Variants in PCDH11X observed in about 807,000 individuals in gnomAD.
PCDH11X encodes protocadherin 11 X-linked.
A neutral mutation model predicts 53.3 loss-of-function variants in PCDH11X; 18 were observed. The ratio of observed to expected loss-of-function variants is 0.34; its 90% CI spans 0.23 to 0.50. The LOEUF (loss-of-function observed/expected upper bound fraction) is 0.50. Ranked by LOEUF, PCDH11X falls within the 20% of genes least tolerant of loss-of-function variation. The pLI is 0.98. For synonymous variants in PCDH11X, 279 were observed against 393.3 expected (o/e 0.71, Z 3.44); for missense variants, 570 against 1,032.4 (o/e 0.55, Z 6.14).
At chrX:91,881,886 C>G (rs1013242501) in intron 6 of PCDH11X, among the ~76,000 whole-genome samples, 19 of 110,847 alleles carry the variant, frequency 1.7e-4, no homozygotes, top group Non-Finnish European at 3.4e-4. Flanking sequence ...GTGAGAAATG[C>G]ATTTTCAAAA....
At chrX:91,815,019 C>T (rs1936409641) in intron 4 of PCDH11X, among the ~76,000 whole-genome samples, 1 of 110,836 alleles carries the variant, frequency 9.0e-6, no homozygotes, top group South Asian at 3.8e-4. Flanking sequence ...TATATTAACT[C>T]ATTTAGTGCA....
intron 5 of PCDH11X, among the ~76,000 whole-genome samples, chrX:91,837,579 T>TA (rs1937348681): frequency 9.0e-6 from 1 of 111,609 alleles, no homozygotes. Flanking sequence ...TCAGTCATAA[T>TA]ATGAGGATGA....
chrX:92,506,466 A>G (rs2074063470), intron 10 of PCDH11X, among the ~76,000 whole-genome samples: 1 of 102,214 alleles, frequency 9.8e-6, no homozygotes, highest in Non-Finnish European at 2.0e-5. Flanking sequence ...TAATTATATC[A>G]AGAGCCTTTT....
At chrX:92,577,898 A>C in intron 10 of PCDH11X, among the ~76,000 whole-genome samples, 1 of 106,957 alleles carries the variant, frequency 9.3e-6, no homozygotes, top group East Asian at 2.9e-4. Context: ...GTGGTCTGAG[A>C]GATTGTTTAT....
In PCDH11X at chrX:92,623,075, T is replaced by C; in HGVS notation, c.*4135T>C. On this transcript the variant is annotated 3_prime_UTR_variant, in exon 11 of 11. Transcript: ENST00000682573. ...GAAAGTGAACAGTATCCCAAAGCAGTTCCAACCATGCTTTGGAAGTAAGAA... is the reference window on the plus strand; with the variant it reads ...GAAAGTGAACAGTATCCCAAAGCAGCTCCAACCATGCTTTGGAAGTAAGAA... 9.0e-6 allele frequency: 1 copy of C among 110,940 alleles called. No homozygotes were observed. The highest frequency in any genetic ancestry group is 3.3e-5 in the African/African-American group (1 of 30,581). The allele number at this position is 110,940 out of a possible 1,213,427, so 9.1% of individuals were successfully genotyped here.
chrX:91,841,249 A>C (rs1238223624), intron 5 of PCDH11X, among the ~76,000 whole-genome samples: 16 of 111,873 alleles, frequency 1.4e-4, no homozygotes, highest in Non-Finnish European at 2.8e-4. Context: ...TACTATTATC[A>C]GAGTCTTGGT....
At chrX:92,025,416 A>G (rs2062955562) in intron 6 of PCDH11X, among the ~76,000 whole-genome samples, 1 of 102,139 alleles carries the variant, frequency 9.8e-6, no homozygotes, top group Admixed American at 1.1e-4. Flanking sequence ...GACACTTCTC[A>G]AAAGAAGACA....
chrX:92,332,607 C>A (rs956317724), intron 8 of PCDH11X, among the ~76,000 whole-genome samples: 80 of 112,171 alleles, frequency 7.1e-4, no homozygotes, highest in Non-Finnish European at 1.3e-3. Flanking sequence ...CTCACAATTT[C>A]TAAAGATAAA....
intron 8 of PCDH11X, among the ~76,000 whole-genome samples, chrX:92,320,653 C>T (rs2069179035): frequency 3.6e-5 from 4 of 110,680 alleles, no homozygotes; most frequent in African/African-American, 9.8e-5. Context: ...TGTATACTCA[C>T]GTTAATTAAA....
intron 9 of PCDH11X, 64 bp downstream of exon 9, chrX:92,387,997 C>A (rs148578548): frequency 8.4e-6 from 10 of 1,186,175 alleles, no homozygotes; most frequent in Non-Finnish European, 1.1e-5. Context: ...CTCAAGCTAT[C>A]ATAGCCATAA....
chrX:91,884,427 G>T (rs750667669), intron 6 of PCDH11X, among the ~76,000 whole-genome samples: 148 of 110,663 alleles, frequency 1.3e-3, no homozygotes, highest in African/African-American at 4.7e-3. Flanking sequence ...ATTTCAAAAA[G>T]ATTTTATCCC....
chrX:92,615,263 T>C (rs1175001027), intron 10 of PCDH11X, among the ~76,000 whole-genome samples: 2 of 110,406 alleles, frequency 1.8e-5, no homozygotes, highest in Non-Finnish European at 3.8e-5. Flanking sequence ...TATACCACAA[T>C]TTATGTCCAT....
intron 1 of PCDH11X, among the ~76,000 whole-genome samples, chrX:91,787,416 A>G (rs1301382344): frequency 9.0e-6 from 1 of 111,360 alleles, no homozygotes; most frequent in East Asian, 2.8e-4. Context: ...TTCAGATTAC[A>G]AACTCGTTTC....
chrX:92,431,398 C>A (rs181586893), intron 9 of PCDH11X, among the ~76,000 whole-genome samples: 24 of 110,406 alleles, frequency 2.2e-4, no homozygotes, highest in African/African-American at 5.9e-4. Flanking sequence ...GTATGAAGGA[C>A]TTACAAAATT....
intron 6 of PCDH11X, among the ~76,000 whole-genome samples, chrX:92,111,973 G>A (rs6618863): frequency 0.058 from 6,294 of 108,664 alleles, 483 homozygotes; most frequent in African/African-American, 0.2. Flanking sequence ...TAGCCAGGAT[G>A]GTCTCGATTC....
intron 6 of PCDH11X, among the ~76,000 whole-genome samples, chrX:92,180,306 G>A (rs754346356): frequency 9.0e-6 from 1 of 111,241 alleles, no homozygotes; most frequent in African/African-American, 3.3e-5. Flanking sequence ...CCTTCAACAC[G>A]TGGGGATTAC....
chrX:92,279,834 A>G (rs1012343287), intron 8 of PCDH11X, among the ~76,000 whole-genome samples: 1 of 112,334 alleles, frequency 8.9e-6, no homozygotes, highest in Admixed American at 9.5e-5. Flanking sequence ...TTATAGATTT[A>G]GGATAACAAA....
At chrX:92,379,515 T>C (rs1359334618) in intron 8 of PCDH11X, among the ~76,000 whole-genome samples, 2 of 112,352 alleles carry the variant, frequency 1.8e-5, no homozygotes, top group African/African-American at 6.5e-5. Flanking sequence ...GATGACATGA[T>C]TGATAGTGGG....
Position 91,999,636 on chromosome X carries a change from G to A in PCDH11X, c.3033+120363G>A, listed in dbSNP as rs767187302. ...CAGTAGAGCTTTATAAAAAATGACA[G>A]CTTCCTACTTTTTAATTGAAGAATA... On this transcript the variant is annotated intron_variant, in intron 6 of 10. Coordinates refer to ENST00000682573, the MANE Select transcript of PCDH11X (RefSeq NM_032968.5). Among the ~76,000 whole-genome samples, 226 of 109,352 alleles carry A rather than the reference G, an allele frequency of 2.1e-3. 1 individual carries two copies. The highest frequency in any genetic ancestry group is 6.8e-3 in the African/African-American group (203 of 29,915). The allele number at this position is 109,352 out of a possible 115,157, so 95.0% of individuals were successfully genotyped here.
Sources: gnomAD v4.1 joint callset for allele counts (sites outside exome capture counted in the v4.1 genomes callset) on GRCh38, gnomAD v4.1.1 for gene constraint, MANE v1.5 for transcripts, NCBI Gene and HGNC (gene_info 2026-07-23, HGNC 2026-07-21) for gene names.